Variants in TXNL4A observed in about 807,000 individuals in gnomAD.
The protein encoded by TXNL4A is thioredoxin like 4A.
A neutral mutation model predicts 14.6 loss-of-function variants in TXNL4A; 17 were observed. The ratio of observed to expected loss-of-function variants is 1.16; its 90% confidence interval spans 0.80 to 1.74. The LOEUF (loss-of-function observed/expected upper bound fraction) is 1.74, where lower values mean the gene tolerates loss of function less well. Ranked by LOEUF, TXNL4A falls within the 40% of genes most tolerant of loss-of-function variation. The probability of loss-of-function intolerance (pLI) is 0.00; values close to 1 mark genes in which losing one functional copy is unlikely to be tolerated. For missense variants in TXNL4A, 74 were observed against 195.2 expected (o/e 0.38, Z 3.70); for synonymous variants, 83 against 70.6 (o/e 1.18, Z -0.88).
At chr18:79,989,378 G>A (rs1239921745), upstream of TXNL4A, among the ~76,000 whole-genome samples, 4 of 151,956 alleles carry the variant, frequency 2.6e-5, no homozygotes, top group Admixed American at 1.3e-4. Context: ...CCAAAGCGCT[G>A]AAATTACAGG....
At chr18:79,997,151 G>C (rs571037122) in intron 1 of TXNL4A, among the ~76,000 whole-genome samples, 1 of 152,128 alleles carries the variant, frequency 6.6e-6, no homozygotes, top group Non-Finnish European at 1.5e-5. Context: ...TTTGCTTAAG[G>C]ATGTCCCTTC....
Position 79,977,598 on chromosome 18 carries a change from C to T in TXNL4A, c.257G>A (p.Arg86Lys). The change falls in exon 2 of 3, where the codon AGG becomes AAG. Residue 86 changes from arginine to lysine, a missense_variant and splice_region_variant. Coordinates refer to ENST00000269601, the MANE Select transcript of TXNL4A (RefSeq NM_006701.5). ...YDPCTVMFFF[R>K]NKHIMIDLGT... ...CAGTAACAACTTTAAGATAACGTAC[C>T]TGAAGAAAAACATGACAGTACATGG... 6.3e-7 allele frequency: 1 copy of T among 1,597,128 alleles called. No homozygotes were observed. Among genetic ancestry groups the T allele is most frequent in the Non-Finnish European group, 8.5e-7 (1 of 1,171,904 alleles).
At chr18:79,996,058 C>G (rs957943473) in intron 1 of TXNL4A, among the ~76,000 whole-genome samples, 2 of 140,594 alleles carry the variant, frequency 1.4e-5, no homozygotes, top group East Asian at 2.2e-4. Context: ...GAGCCCACAT[C>G]GCGCCACTGC....
chr18:79,992,765 AC>A (rs1410958604), upstream of TXNL4A, among the ~76,000 whole-genome samples: 1 of 151,548 alleles, frequency 6.6e-6, no homozygotes, highest in Non-Finnish European at 1.5e-5. Flanking sequence ...CCCCCTGCCT[AC>A]CAGATACAAA....
intron 1 of TXNL4A, among the ~76,000 whole-genome samples, chr18:80,000,398 G>C (rs961669686): frequency 6.6e-6 from 1 of 152,194 alleles, no homozygotes; most frequent in African/African-American, 2.4e-5. Flanking sequence ...TTTTGCCCCT[G>C]CCCTAGACAT....
chr18:79,988,056 G>A, intron 1 of TXNL4A, among the ~76,000 whole-genome samples, 184 bp downstream of exon 1: 1 of 152,274 alleles, frequency 6.6e-6, no homozygotes, highest in East Asian at 1.9e-4. Flanking sequence ...CGCAGAAAAA[G>A]GCGTGAAACG....
intron 1 of TXNL4A, among the ~76,000 whole-genome samples, chr18:80,023,513 C>T (rs2051863653): frequency 6.6e-6 from 1 of 152,028 alleles, no homozygotes; most frequent in South Asian, 2.1e-4. Context: ...AGCATGCCCC[C>T]CACCCCCATG....
At chr18:80,029,866 G>A (rs1017186137) in intron 1 of TXNL4A, among the ~76,000 whole-genome samples, 2 of 151,240 alleles carry the variant, frequency 1.3e-5, no homozygotes, top group Non-Finnish European at 3.0e-5. Flanking sequence ...GGGACTTATC[G>A]CCTTAAAAAA....
At chr18:79,997,049 G>A (rs780005326) in intron 1 of TXNL4A, among the ~76,000 whole-genome samples, 18 of 152,138 alleles carry the variant, frequency 1.2e-4, no homozygotes, top group Non-Finnish European at 1.3e-4. Context: ...GGAAATACTA[G>A]AAGAGAAGAG....
intron 1 of TXNL4A, chr18:79,995,035 C>T (rs776790886): frequency 8.5e-5 from 13 of 152,192 alleles, no homozygotes; most frequent in Non-Finnish European, 1.5e-4. Context: ...CAACCCGTTT[C>T]GGGAACAACT....
At chr18:79,980,609 G>A (rs1344004137) in intron 1 of TXNL4A, among the ~76,000 whole-genome samples, 2 of 152,132 alleles carry the variant, frequency 1.3e-5, no homozygotes, top group African/African-American at 2.4e-5. Context: ...GCAGGGTGGG[G>A]AGAGGGGGAG....
Position 79,986,508 on chromosome 18 carries a change from A to G in TXNL4A, c.153+1732T>C, listed in dbSNP as rs957368387. 3.1e-5 allele frequency: 28 copies of G among 905,810 alleles called. No individual in the cohort carries two copies. In the African/African-American group the frequency reaches 4.5e-4, roughly 15 times the overall value. 56.1% of individuals were successfully genotyped at this position (905,810 alleles called of 1,614,324 possible). ...AAGTGTGTGTCCACTATGTGTGTCC[A>G]CTAGTGATACAGTGATTCATTCTGT... On this transcript the variant is annotated intron_variant, in intron 1 of 2. Transcript: ENST00000269601.
chr18:80,018,905 CA>C (rs1284991080), intron 1 of TXNL4A, among the ~76,000 whole-genome samples: 1 of 152,214 alleles, frequency 6.6e-6, no homozygotes, highest in Non-Finnish European at 1.5e-5. Context: ...TTTGCTAAAA[CA>C]AAACAAGAGT....
intron 1 of TXNL4A, among the ~76,000 whole-genome samples, chr18:80,012,830 A>ATT (rs780269210): frequency 4.9e-5 from 7 of 143,334 alleles, no homozygotes; most frequent in Admixed American, 1.4e-4. Flanking sequence ...CTTCCATTAA[A>ATT]TTTTTTTTTT....
At chr18:80,009,460 T>C (rs1791196758) in intron 1 of TXNL4A, among the ~76,000 whole-genome samples, 2 of 152,176 alleles carry the variant, frequency 1.3e-5, no homozygotes, top group African/African-American at 4.8e-5. Flanking sequence ...CTGTGGATCC[T>C]CTCAAGTTTG....
intron 1 of TXNL4A, chr18:79,986,689 C>A (rs931561846): frequency 1.0e-6 from 1 of 985,496 alleles, no homozygotes; most frequent in Non-Finnish European, 1.2e-6. Flanking sequence ...ACATCTCCAG[C>A]CATCCTAGCC....
intron 1 of TXNL4A, among the ~76,000 whole-genome samples, chr18:80,029,305 T>A (rs980157335): frequency 6.6e-6 from 1 of 152,172 alleles, no homozygotes; most frequent in Non-Finnish European, 1.5e-5. Flanking sequence ...TATTTGTCCC[T>A]AATATAAAGG....
rs940311567 is a variant in TXNL4A, at chr18:79,987,007, C to T, written c.153+1233G>A. Among the ~76,000 whole-genome samples the T allele has an allele frequency of 2.0e-5, 3 of 152,310 alleles. No homozygotes were observed. In the East Asian group the frequency reaches 5.8e-4, roughly 29 times the overall value. ...AATTCCCTAGGTCCCTCCTCAAGTCCTCAGTGTCCAGGAGGAAGAGGCTGC... is the reference window on the plus strand; with the variant it reads ...AATTCCCTAGGTCCCTCCTCAAGTCTTCAGTGTCCAGGAGGAAGAGGCTGC... On this transcript the variant is annotated intron_variant, in intron 1 of 2. Coordinates refer to ENST00000269601, the MANE Select transcript of TXNL4A (RefSeq NM_006701.5).
chr18:79,994,008 A>T (rs910278251), intron 1 of TXNL4A, among the ~76,000 whole-genome samples: 1 of 152,184 alleles, frequency 6.6e-6, no homozygotes, highest in Non-Finnish European at 1.5e-5. Flanking sequence ...TGGGTCTCAC[A>T]CACATCCCAA....
Sources: allele counts gnomAD v4.1 joint callset (sites outside exome capture counted in the v4.1 genomes callset), GRCh38; gene constraint gnomAD v4.1.1; transcripts MANE v1.5; gene names NCBI Gene and HGNC (gene_info 2026-07-23, HGNC 2026-07-21).